CEP63: variants seen among roughly 807,000 people sequenced by gnomAD.
The protein encoded by CEP63 is centrosomal protein 63, also known as centrosomal protein of 63 kDa.
CEP63 carries 84 observed loss-of-function variants against 89.1 expected under a neutral mutation model. The observed-to-expected ratio is 0.94, with a 90% CI of 0.79 to 1.13. The LOEUF is 1.13. Ranked by LOEUF, CEP63 falls within the 50% of genes most tolerant of loss-of-function variation. The probability of loss-of-function intolerance (pLI) is 0.00; values close to 1 mark genes in which losing one functional copy is unlikely to be tolerated. For synonymous variants in CEP63, 267 were observed against 272.5 expected (o/e 0.98, Z 0.20); for missense variants, 838 against 813.3 (o/e 1.03, Z -0.37).
At chr3:134,496,275 TAGTC>T (rs1413204584) in intron 2 of CEP63, among the ~76,000 whole-genome samples, 1 of 152,176 alleles carries the variant, frequency 6.6e-6, no homozygotes, top group Non-Finnish European at 1.5e-5. Context: ...GTTCACTCAA[TAGTC>T]AGAGCCATGG....
chr3:134,713,490 T>C, the CEP63 span, among the ~76,000 whole-genome samples: 2,499 of 152,324 alleles, frequency 0.016, 65 homozygotes, highest in African/African-American at 0.057. Context: ...AGCTGGTCTC[T>C]GAGGCAGAAA....
At chr3:134,584,221 G>A (rs1464865263) in intron 10 of CEP63, among the ~76,000 whole-genome samples, 2 of 152,148 alleles carry the variant, frequency 1.3e-5, no homozygotes, top group Non-Finnish European at 2.9e-5. Flanking sequence ...ATATTGAATA[G>A]GAGTGGTGAG....
the CEP63 span, among the ~76,000 whole-genome samples, chr3:134,620,260 C>A: frequency 1.3e-5 from 2 of 152,286 alleles, no homozygotes; most frequent in Admixed American, 6.5e-5. Flanking sequence ...TTGGAGACTG[C>A]GCTGGGACCA....
chr3:134,517,595 T>C (rs1455702267), intron 3 of CEP63, among the ~76,000 whole-genome samples: 2 of 152,170 alleles, frequency 1.3e-5, no homozygotes, highest in African/African-American at 4.8e-5. Flanking sequence ...TTGATACAGT[T>C]CAAAAGCTTG....
At chr3:134,704,432 G>A in the CEP63 span, among the ~76,000 whole-genome samples, 4 of 151,822 alleles carry the variant, frequency 2.6e-5, no homozygotes, top group Non-Finnish European at 4.4e-5. Flanking sequence ...GAGAGAGAAC[G>A]AAAGCAGGAA....
At position 134,494,767 on chromosome 3, in the gene CEP63, C is replaced by T. The variant is rs1032611885; in HGVS notation, c.-25-529C>T. ...CAGAGGTGGGAGGGCCCTGTGGCTG[C>T]CTTTCGGTGGAGAGAGGATGTTGCA... On this transcript the variant is annotated intron_variant, in intron 1 of 14. Transcript: ENST00000675561. Among the ~76,000 whole-genome samples the T allele has an allele frequency of 6.6e-5, 10 of 152,174 alleles. No individual in the cohort carries two copies. In the East Asian group the frequency reaches 1.5e-3, roughly 24 times the overall value.
At chr3:134,540,157 A>G (rs975960547) in intron 6 of CEP63, among the ~76,000 whole-genome samples, 1 of 152,200 alleles carries the variant, frequency 6.6e-6, no homozygotes, top group African/African-American at 2.4e-5. Context: ...CCATGAAACA[A>G]TAACTTTAAA....
the CEP63 span, among the ~76,000 whole-genome samples, chr3:134,670,091 C>A: frequency 6.6e-6 from 1 of 152,108 alleles, no homozygotes; most frequent in Non-Finnish European, 1.5e-5. Context: ...ATGCTGGGAC[C>A]CTGATCTCAG....
intron 1 of CEP63, among the ~76,000 whole-genome samples, chr3:134,487,320 C>T (rs1935923171): frequency 2.0e-5 from 3 of 152,220 alleles, no homozygotes; most frequent in Admixed American, 1.3e-4. Context: ...TATCAGTGAT[C>T]AGGGTAGTAA....
chr3:134,713,147 C>T, the CEP63 span, among the ~76,000 whole-genome samples: 1 of 152,204 alleles, frequency 6.6e-6, no homozygotes, highest in Non-Finnish European at 1.5e-5. Flanking sequence ...TTTTCTCCTA[C>T]CCCAAGGTCC....
At chr3:134,702,781 C>T in the CEP63 span, among the ~76,000 whole-genome samples, 9 of 152,122 alleles carry the variant, frequency 5.9e-5, no homozygotes, top group Non-Finnish European at 1.2e-4. Context: ...CGTCTCACAC[C>T]AGTCAGAATG....
At chr3:134,523,478 A>C (rs1423768896) in intron 3 of CEP63, among the ~76,000 whole-genome samples, 1 of 152,084 alleles carries the variant, frequency 6.6e-6, no homozygotes, top group African/African-American at 2.4e-5. Context: ...CCATGTCCAG[A>C]ATGGCATTGC....
At chr3:134,667,696 G>T in the CEP63 span, among the ~76,000 whole-genome samples, 1 of 152,184 alleles carries the variant, frequency 6.6e-6, no homozygotes. Flanking sequence ...GCTGTGCCAT[G>T]CCCAGCCCTC....
the CEP63 span, chr3:134,651,678 A>C: frequency 1.1e-6 from 1 of 897,762 alleles, no homozygotes; most frequent in Non-Finnish European, 1.3e-6. Flanking sequence ...CAAGCTAACG[A>C]TCCTCTTTGA....
chr3:134,577,012 T>C (rs2110312593), downstream of CEP63, among the ~76,000 whole-genome samples: 1 of 152,338 alleles, frequency 6.6e-6, no homozygotes, highest in Admixed American at 6.5e-5. Flanking sequence ...TAACCTCTGC[T>C]CACACTAGTG....
At chr3:134,656,074 G>A in the CEP63 span, among the ~76,000 whole-genome samples, 59 of 152,308 alleles carry the variant, frequency 3.9e-4, no homozygotes, top group African/African-American at 1.2e-3. Context: ...CCATGAAGAC[G>A]TTTCCCAGCA....
the CEP63 span, among the ~76,000 whole-genome samples, chr3:134,765,562 A>G: frequency 9.2e-5 from 14 of 152,240 alleles, no homozygotes; most frequent in African/African-American, 3.4e-4. Context: ...GGAGAGAACC[A>G]GAGGAAGTGA....
At chr3:134,683,415 A>G in the CEP63 span, among the ~76,000 whole-genome samples, 1 of 152,178 alleles carries the variant, frequency 6.6e-6, no homozygotes, top group East Asian at 1.9e-4. Context: ...CCTGGATGTG[A>G]CTTGTTCAAG....
chr3:134,547,610 A>ATTTATT, intron 9 of CEP63, 138 bp downstream of exon 9: 8 of 226,808 alleles, frequency 3.5e-5, no homozygotes, highest in Non-Finnish European at 5.7e-5. Flanking sequence ...CTAAGTTCTT[A>ATTTATT]TTTCTTTTTT....
Sources: allele counts gnomAD v4.1 joint callset (sites outside exome capture counted in the v4.1 genomes callset), GRCh38; gene constraint gnomAD v4.1.1; transcripts MANE v1.5; gene names NCBI Gene and HGNC (gene_info 2026-07-23, HGNC 2026-07-21).